Variants in CAPN1 observed in about 807,000 individuals in gnomAD.
CAPN1 encodes the protein calpain-1 catalytic subunit.
In CAPN1, 77 loss-of-function variants were observed where a neutral mutation model predicts 105.2. That is an observed-to-expected ratio of 0.73 (90% CI 0.61 to 0.88). CAPN1 has a LOEUF of 0.88. CAPN1 is among the 40% of genes least tolerant of loss of function. CAPN1 has a pLI of 0.00. For synonymous variants in CAPN1, 355 were observed against 388.8 expected, an observed-to-expected ratio of 0.91 and a Z score of 1.02; for missense variants, 833 against 976.6, an observed-to-expected ratio of 0.85 and a Z score of 1.96.
chr11:65,183,357 A>T, intron 3 of CAPN1, 117 bp from the exon 4 acceptor site: 1 of 1,099,326 alleles, frequency 9.1e-7, no homozygotes, highest in Non-Finnish European at 1.4e-6. Flanking sequence ...TCTTTTCTGC[A>T]AGCTGAGGGG....
At chr11:65,182,213 C>T in intron 1 of CAPN1, 200 bp downstream of exon 1, 1 of 163,408 alleles carries the variant, frequency 6.1e-6, no homozygotes, top group Non-Finnish European at 1.3e-5. Context: ...GGCCCACCAG[C>T]TCTGATATCG....
At position 65,188,273 on chromosome 11, in the gene CAPN1, AG is replaced by A. The variant is rs1357510381; in HGVS notation, c.930-140del. On this transcript the variant is annotated intron_variant, in intron 8 of 21. Transcript: ENST00000279247. This position sits in a 1 kb window ranked among gnomAD's most constrained non-coding sequence, Gnocchi z 5.5. ...ACTGGCCCTGATGAGACCACCCCCT[AG>A]AAGCGGAACCTTGGCGCTTGACCTT... 11 of 769,642 alleles carry A rather than the reference AG, an allele frequency of 1.4e-5. No homozygotes were observed. Among genetic ancestry groups the A allele is most frequent in the Non-Finnish European group, 2.1e-5 (10 of 475,850 alleles). 47.7% of individuals were successfully genotyped at this position (769,642 alleles called of 1,614,324 possible).
chr11:65,210,497 C>T lies in CAPN1; in HGVS notation c.2059+45C>T, dbSNP rs760406706. 17 of 1,174,990 alleles carry T rather than the reference C, an allele frequency of 1.4e-5. 1 individual carries two copies. Among genetic ancestry groups the T allele is most frequent in the South Asian group, 1.3e-4 (10 of 79,304 alleles). 72.8% of individuals were successfully genotyped at this position (1,174,990 alleles called of 1,614,324 possible). A position where few individuals can be genotyped will look rare whatever the true frequency, so the allele number is the denominator to read the frequency against. On this transcript the variant is annotated intron_variant, in intron 20 of 21. Coordinates refer to ENST00000279247, the MANE Select transcript of CAPN1 (RefSeq NM_005186.4). This position sits in a 1 kb window ranked among gnomAD's most constrained non-coding sequence, Gnocchi z 4.3. ...TCCCACCCTCCAGCTCCGTCCCAAA[C>T]GCGTCCCCCAGGAGCTGGGGGGAAT...
Position 65,209,476 on chromosome 11 carries a change from C to T in CAPN1, c.1794+89C>T. The T allele has an allele frequency of 9.1e-7, 1 of 1,098,368 alleles. No individual in the cohort carries two copies. The highest frequency in any genetic ancestry group is 2.5e-5 in the East Asian group (1 of 39,722). 68.0% of individuals were successfully genotyped at this position (1,098,368 alleles called of 1,614,324 possible). A position where few individuals can be genotyped will look rare whatever the true frequency, so the allele number is the denominator to read the frequency against. On this transcript the variant is annotated intron_variant, in intron 17 of 21. Coordinates refer to ENST00000279247, the MANE Select transcript of CAPN1 (RefSeq NM_005186.4). This position sits in a 1 kb window ranked among gnomAD's most constrained non-coding sequence, Gnocchi z 4.1. ...AACTGTCCCAGGACAGCACAGAGAACAGGACAGAGCCATGCGGAGTGTGGA... is the reference window on the plus strand; with the variant it reads ...AACTGTCCCAGGACAGCACAGAGAATAGGACAGAGCCATGCGGAGTGTGGA...
chr11:65,203,506 T>G (rs1948903197), intron 10 of CAPN1: 2 of 152,370 alleles, frequency 1.3e-5, no homozygotes, highest in Admixed American at 6.5e-5. Context: ...ACTACAGGCA[T>G]GGGCCACCAT....
rs781683198 is a variant in CAPN1 at position 65,187,299 on chromosome 11, G to A, written c.843+1G>A. ...CTACTCTGTGACCGGGGCCAAGCAG[G>A]TACTGCCCTGGGTGGGGCCTTCCCT... On this transcript the variant is annotated splice_donor_variant, in intron 7 of 21. Transcript: ENST00000279247. LOFTEE classifies it high-confidence loss of function. 1.9e-6 allele frequency: 3 copies of A among 1,609,590 alleles called. No homozygotes were observed. Among genetic ancestry groups the A allele is most frequent in the Non-Finnish European group, 2.5e-6 (3 of 1,177,144 alleles).
In CAPN1 at chr11:65,204,873, T is replaced by TCAC. The variant is rs1267134855; in HGVS notation, c.1341+17_1341+19dup. 3 of 1,595,154 alleles carry TCAC rather than the reference T, an allele frequency of 1.9e-6. No homozygotes were observed. Among genetic ancestry groups the TCAC allele is most frequent in the South Asian group, 1.1e-5 (1 of 90,750 alleles). On this transcript the variant is annotated intron_variant, in intron 11 of 21. Coordinates refer to ENST00000279247, the MANE Select transcript of CAPN1 (RefSeq NM_005186.4). ...CGGTCTACGAGGTCAGGAGGGTGGA[T>TCAC]CACCGGTGGATCTCACTGAGCAGGC...
In CAPN1 at chr11:65,208,158, G is replaced by A. The variant is rs1948990468; in HGVS notation, c.1671+38G>A. ...ATGGCAGGTTGGGAGGGGCCTGTGA[G>A]GGGCAGCCCTCTCCTGGGGCAGGTG... is the stretch of plus-strand genomic sequence containing the variant. On this transcript the variant is annotated intron_variant, in intron 15 of 21. Transcript: ENST00000279247. The surrounding 1 kb of genome is among the most constrained non-coding windows in gnomAD (Gnocchi z 4.1). The A allele has an allele frequency of 6.3e-7, 1 of 1,596,806 alleles. No homozygotes were observed. The highest frequency in any genetic ancestry group is 8.5e-7 in the Non-Finnish European group (1 of 1,171,744).
At chr11:65,204,219 G>A (rs1357259598) in intron 10 of CAPN1, among the ~76,000 whole-genome samples, 2 of 152,160 alleles carry the variant, frequency 1.3e-5, no homozygotes, top group African/African-American at 4.8e-5. Context: ...ACACGCCCTA[G>A]TCCCTGGCCG....
intron 7 of CAPN1, 172 bp from the exon 8 acceptor site, chr11:65,187,783 A>G: frequency 1.8e-6 from 1 of 544,258 alleles, no homozygotes; most frequent in East Asian, 3.5e-5. Context: ...GCTATTTGGG[A>G]GGCTGAGGCA....
At position 65,209,251 on chromosome 11, in the gene CAPN1, C is replaced by T. The variant is rs577931982; in HGVS notation, c.1730-72C>T. 4.8e-6 allele frequency: 6 copies of T among 1,245,392 alleles called. No individual in the cohort carries two copies. Among genetic ancestry groups the T allele is most frequent in the Non-Finnish European group, 5.8e-6 (5 of 859,024 alleles). The allele number at this position is 1,245,392 out of a possible 1,614,324, so 77.1% of individuals were successfully genotyped here. A position where few individuals can be genotyped will look rare whatever the true frequency, so the allele number is the denominator to read the frequency against. On this transcript the variant is annotated intron_variant, in intron 16 of 21. Coordinates refer to ENST00000279247, the MANE Select transcript of CAPN1 (RefSeq NM_005186.4). The surrounding 1 kb of genome is among the most constrained non-coding windows in gnomAD (Gnocchi z 4.1). ...TTTGTGCGTCCTTGACTCTGCCCCA[C>T]CCAGTGCTCCCAGCAGGGGCAGGTG...
chr11:65,211,211 C>T, intron 21 of CAPN1, 49 bp from the exon 22 acceptor site: 1 of 1,606,808 alleles, frequency 6.2e-7, no homozygotes. Flanking sequence ...GGGGAAGAAG[C>T]CAGGGAGCCA....
chr11:65,181,589 G>A (rs1273569488), upstream of CAPN1: 5 of 414,918 alleles, frequency 1.2e-5, no homozygotes, highest in Admixed American at 2.6e-5. This position sits in a 1 kb window ranked among gnomAD's most constrained non-coding sequence, Gnocchi z 4.6. Flanking sequence ...CCTGCAACTC[G>A]AGCTGCTGCC....
chr11:65,206,215 C>G (rs1193401762), intron 12 of CAPN1: 14 of 584,264 alleles, frequency 2.4e-5, no homozygotes, highest in Non-Finnish European at 3.7e-5. Flanking sequence ...GTTATTGAAA[C>G]ACATGCCTAA....
Position 65,209,752 on chromosome 11 carries a change from G to T in CAPN1, c.1795-97G>T. The T allele has an allele frequency of 1.6e-6, 2 of 1,238,294 alleles. No individual in the cohort carries two copies. The highest frequency in any genetic ancestry group is 2.7e-5 in the South Asian group (2 of 74,642). 76.7% of individuals were successfully genotyped at this position (1,238,294 alleles called of 1,614,324 possible). ...GCTTCTCCTCACCCAGCCCCAAGTC[G>T]ACTTGCCGGCTCGGCGGCCATCTCC... On this transcript the variant is annotated intron_variant, in intron 17 of 21. Coordinates refer to ENST00000279247, the MANE Select transcript of CAPN1 (RefSeq NM_005186.4). This position sits in a 1 kb window ranked among gnomAD's most constrained non-coding sequence, Gnocchi z 4.1.
intron 14 of CAPN1, among the ~76,000 whole-genome samples, 179 bp downstream of exon 14, chr11:65,206,998 A>G (rs1948970888): frequency 6.6e-6 from 1 of 152,100 alleles, no homozygotes; most frequent in African/African-American, 2.4e-5. Context: ...TTTGCAGAGG[A>G]CCTGTGATAC....
intron 10 of CAPN1, among the ~76,000 whole-genome samples, chr11:65,200,376 ACT>A (rs1351434456): frequency 2.0e-5 from 3 of 151,502 alleles, no homozygotes; most frequent in East Asian, 1.9e-4. Flanking sequence ...ATGGACTCTC[ACT>A]CTGTCGCCCA....
Position 65,206,673 on chromosome 11 carries a change from G to C in CAPN1, c.1564G>C (p.Val522Leu). ...CTTCTCAGAGAAGAGTGCTGGGACT[G>C]TGTGAGTCATGGACTGGCCCCTGCC... ...RFFSEKSAGT[V>L]ELDDQIQANL... The change falls in exon 13 of 22, where the codon GTG (valine) becomes CTG (leucine). Residue 522 changes from valine to leucine, a missense_variant and splice_region_variant. Physicochemically the swap from Val to Leu is conservative, Grantham distance 32. Coordinates refer to ENST00000279247, the MANE Select transcript of CAPN1 (RefSeq NM_005186.4). The C allele has an allele frequency of 6.2e-7, 1 of 1,613,150 alleles. No individual in the cohort carries two copies. Among genetic ancestry groups the C allele is most frequent in the African/African-American group, 1.3e-5 (1 of 75,048 alleles).
chr11:65,190,561 G>C (rs1012131697), intron 10 of CAPN1, among the ~76,000 whole-genome samples: 6 of 152,130 alleles, frequency 3.9e-5, no homozygotes, highest in African/African-American at 1.4e-4. Context: ...GTGTTGGTCT[G>C]TTTCTGGACT....
Sources: allele counts gnomAD v4.1 joint callset (sites outside exome capture counted in the v4.1 genomes callset), GRCh38; gene constraint gnomAD v4.1.1; non-coding constraint Gnocchi (gnomAD v3.1); transcripts MANE v1.5; gene names NCBI Gene and HGNC (gene_info 2026-07-23, HGNC 2026-07-21).